Variants in P2RX1 observed in about 807,000 individuals in gnomAD.
P2RX1 encodes the protein purinergic receptor P2X 1, also known as P2X purinoceptor 1.
In P2RX1, 42 loss-of-function variants were observed where a neutral mutation model predicts 50.3. That is an observed-to-expected ratio of 0.83 (90% CI 0.65 to 1.08). The LOEUF (loss-of-function observed/expected upper bound fraction) is 1.08. P2RX1 is among the 50% of genes least tolerant of loss of function. P2RX1 has a pLI of 0.00. For missense variants in P2RX1, 449 were observed against 529.0 expected (o/e 0.85, Z 1.48); for synonymous variants, 199 against 202.6 (o/e 0.98, Z 0.15).
chr17:3,913,132 CTTT>C (rs555976939), intron 1 of P2RX1, among the ~76,000 whole-genome samples: 4 of 134,978 alleles, frequency 3.0e-5, no homozygotes, highest in South Asian at 2.4e-4. Flanking sequence ...CTGAGACCAT[CTTT>C]TTTTTTTTTT....
rs779190206 is a variant in P2RX1 at position 3,916,209 on chromosome 17, T to C, written c.17A>G (p.Gln6Arg). Residue 6 changes from glutamine (Q) to arginine (R), a missense_variant, in exon 1 of 12, where the codon CAG becomes CGG. Transcript: ENST00000225538. MARRF[Q>R]EELAAFLFEY... ...GAAGAGGAAGGCGGCCAGCTCCTCC[T>C]GGAACCGCCGTGCCATGGTGGGCCG... The C allele has an allele frequency of 3.7e-6, 6 of 1,611,046 alleles. No homozygotes were observed. The East Asian group carries it at 8.9e-5, about 24-fold the overall frequency.
intron 7 of P2RX1, among the ~76,000 whole-genome samples, chr17:3,902,115 CT>C (rs1467444200): frequency 6.6e-6 from 1 of 152,066 alleles, no homozygotes; most frequent in Non-Finnish European, 1.5e-5. Flanking sequence ...TTCAAGCTGC[CT>C]TTTTATTTTT....
chr17:3,912,400 G>A (rs531904761), intron 1 of P2RX1, among the ~76,000 whole-genome samples: 7 of 151,788 alleles, frequency 4.6e-5, no homozygotes, highest in African/African-American at 1.5e-4. Flanking sequence ...GTGCGATCTC[G>A]GCTCACTGCC....
chr17:3,916,234 G>A lies in P2RX1; in HGVS notation c.-9C>T, dbSNP rs762515570. On this transcript the variant is annotated 5_prime_UTR_variant, in exon 1 of 12. Transcript: ENST00000225538. ...TGGAACCGCCGTGCCATGGTGGGCC[G>A]GCTGGGGCTCAGAACTGAGCCCCCT... 147 of 1,612,718 alleles carry A rather than the reference G, an allele frequency of 9.1e-5. 1 individual carries two copies. In the South Asian group the frequency reaches 1.2e-3, roughly 13 times the overall value.
intron 1 of P2RX1, among the ~76,000 whole-genome samples, chr17:3,911,315 T>TTTCTTTC (rs1328232367): frequency 2.9e-5 from 4 of 137,018 alleles, no homozygotes; most frequent in African/African-American, 1.0e-4. Flanking sequence ...TTCTTTCTTT[T>TTTCTTTC]TTTTTGAATA....
At chr17:3,904,475 G>A in intron 3 of P2RX1, 76 bp from the exon 4 acceptor site, 1 of 1,306,676 alleles carries the variant, frequency 7.7e-7, no homozygotes, top group Non-Finnish European at 1.1e-6. Flanking sequence ...CCACCCCCCA[G>A]GGCCCTAGGG....
chr17:3,899,568 G>A lies in P2RX1; in HGVS notation c.875+66C>T, dbSNP rs141402924. 1.3e-4 allele frequency: 207 copies of A among 1,599,642 alleles called. 2 individuals are homozygous for A. The African/African-American group carries it at 2.1e-3, about 16-fold the overall frequency. On this transcript the variant is annotated intron_variant, in intron 8 of 11. Coordinates refer to ENST00000225538, the MANE Select transcript of P2RX1 (RefSeq NM_002558.4). Reference sequence around the variant, plus strand: ...GGGGACACTTTCTCAGACCTGAAGTGTTCTGGGAGTAGAAAAGCCCGCAGG... The same window carrying A: ...GGGGACACTTTCTCAGACCTGAAGTATTCTGGGAGTAGAAAAGCCCGCAGG...
rs7224126 is a variant in P2RX1, at chr17:3,901,761, C to T, written c.747+1441G>A. On this transcript the variant is annotated intron_variant, in intron 7 of 11. Transcript: ENST00000225538. Reference sequence around the variant, plus strand: ...CTGCCAGGTGTACAGGCTTCCCACGCGCCAGGCAGCGAGGCACGCCAGGCA... The same window carrying T: ...CTGCCAGGTGTACAGGCTTCCCACGTGCCAGGCAGCGAGGCACGCCAGGCA... 3.5e-3 allele frequency among the ~76,000 whole-genome samples: 535 copies of T among 152,134 alleles called. 2 individuals carry two copies. The highest frequency in any genetic ancestry group is 0.012 in the African/African-American group (514 of 41,502).
In P2RX1 at chr17:3,904,355, A is replaced by T. The variant is rs1012195796; in HGVS notation, c.402T>A (p.Pro134=). The T allele has an allele frequency of 3.1e-6, 5 of 1,613,866 alleles. No homozygotes were observed. In the African/African-American group the frequency reaches 6.7e-5, roughly 22 times the overall value. The change falls in exon 4 of 12, where the codon CCT becomes CCA. Residue 134 remains proline (P), a synonymous_variant. Coordinates refer to ENST00000225538, the MANE Select transcript of P2RX1 (RefSeq NM_002558.4). Reference sequence around the variant, plus strand: ...CTTGGGCCTTCCTCTTGGCCTTCCCAGGGGTACAGCCACTGTCTTCCTTGC... The same window carrying T: ...CTTGGGCCTTCCTCTTGGCCTTCCCTGGGGTACAGCCACTGTCTTCCTTGC... The part of the protein sequence containing the change: ...GICKEDSGCT[P]GKAKRKAQGI...
chr17:3,902,757 G>A (rs574404333), intron 7 of P2RX1, among the ~76,000 whole-genome samples: 21 of 151,836 alleles, frequency 1.4e-4, no homozygotes, highest in African/African-American at 4.6e-4. Flanking sequence ...ACAGGTGCGC[G>A]TCACCATGCC....
At position 3,903,582 on chromosome 17, in the gene P2RX1, T is replaced by C. The variant is rs772906964; in HGVS notation, c.574A>G (p.Ser192Gly). ...ACCTTGAAGCGTGGAAAGCTGATGCTGTTCTTGATGAAAAGAGTGAAGTTC... is the reference window on the plus strand; with the variant it reads ...ACCTTGAAGCGTGGAAAGCTGATGCCGTTCTTGATGAAAAGAGTGAAGTTC... ...AENFTLFIKN[S>G]ISFPRFKVNR... is the part of the protein sequence containing the mutation. Residue 192 changes from serine to glycine, a missense_variant, in exon 6 of 12, where the codon AGC (serine) becomes GGC (glycine). Ser to Gly is a moderately conservative substitution (Grantham distance 56). Transcript: ENST00000225538. This position sits in a 1 kb window ranked among gnomAD's most constrained non-coding sequence, Gnocchi z 4.6. 5.0e-6 allele frequency: 8 copies of C among 1,614,100 alleles called. No homozygotes were observed. In the South Asian group the frequency reaches 7.7e-5, roughly 16 times the overall value.
In P2RX1 at chr17:3,916,167, C is replaced by A; in HGVS notation, c.59G>T (p.Arg20Leu). 1.2e-6 allele frequency: 2 copies of A among 1,613,436 alleles called. No individual in the cohort carries two copies. The highest frequency in any genetic ancestry group is 1.3e-5 in the African/African-American group (1 of 75,046). ...AAFLFEYDTP[R>L]MVLVRNKKVG... is the part of the protein sequence containing the mutation. ...CTTCTTATTACGCACCAGCACCATG[C>A]GGGGGGTGTCATACTCGAAGAGGAA... Residue 20 changes from arginine to leucine, a missense_variant, in exon 1 of 12, where the codon CGC becomes CTC. Physicochemically the swap from Arg to Leu is moderately radical, Grantham distance 102. Transcript: ENST00000225538.
At position 3,905,331 on chromosome 17, in the gene P2RX1, C is replaced by A. The variant is rs145994135; in HGVS notation, c.174G>T (p.Ser58=). ...CAGAGACACTGCTGATGAGGCCGCT[C>A]GAGGTCTGGTAGCCCTTCTCATAGA... ...VFLYEKGYQT[S]SGLISSVSVK... is the part of the protein sequence containing the mutation. The change falls in exon 2 of 12, where the codon TCG becomes TCT. Residue 58 remains serine, a synonymous_variant. Coordinates refer to ENST00000225538, the MANE Select transcript of P2RX1 (RefSeq NM_002558.4). The A allele has an allele frequency of 4.8e-4, 768 of 1,613,792 alleles. No homozygotes were observed. Among genetic ancestry groups the A allele is most frequent in the Non-Finnish European group, 6.0e-4 (703 of 1,180,036 alleles).
In P2RX1 at chr17:3,897,784, T is replaced by A; in HGVS notation, c.*30A>T. The A allele has an allele frequency of 1.1e-5, 18 of 1,606,730 alleles. No homozygotes were observed. The highest frequency in any genetic ancestry group is 1.5e-5 in the Non-Finnish European group (18 of 1,175,748). ...AGGGCTCCAGGCTGAAGCCTCACGC[T>A]GCACCCAGTCAGGAGTTGGGGCCCG... On this transcript the variant is annotated 3_prime_UTR_variant, in exon 12 of 12. Transcript: ENST00000225538.
chr17:3,899,927 C>T (rs2056105426), intron 7 of P2RX1, among the ~76,000 whole-genome samples, 166 bp from the exon 8 acceptor site: 1 of 151,850 alleles, frequency 6.6e-6, no homozygotes, highest in Non-Finnish European at 1.5e-5. Context: ...AGGGTGAAAA[C>T]CCGTCTCTAC....
chr17:3,900,473 A>C (rs1163085617), intron 7 of P2RX1, among the ~76,000 whole-genome samples: 1 of 152,140 alleles, frequency 6.6e-6, no homozygotes, highest in Non-Finnish European at 1.5e-5. Context: ...ACAACAACAA[A>C]AAAAACTGGA....
In P2RX1 at chr17:3,901,355, C is replaced by T. The variant is rs146496740; in HGVS notation, c.748-1594G>A. ...GTGCTGGGATTACAGGCGTGAGCCA[C>T]CGCACCCAGCCCTGATGACAGGGAG... On this transcript the variant is annotated intron_variant, in intron 7 of 11. Transcript: ENST00000225538. 3.4e-3 allele frequency among the ~76,000 whole-genome samples: 524 copies of T among 152,338 alleles called. 5 individuals carry two copies. The highest frequency in any genetic ancestry group is 0.012 in the African/African-American group (500 of 41,582).
In P2RX1 at chr17:3,898,066, C is replaced by G; in HGVS notation, c.1077G>C (p.Lys359Asn). The change falls in exon 11 of 12, where the codon AAG becomes AAC. Residue 359 changes from lysine to asparagine, a missense_variant. Lys to Asn is a moderately conservative substitution (Grantham distance 94). Coordinates refer to ENST00000225538, the MANE Select transcript of P2RX1 (RefSeq NM_002558.4). Reference protein sequence around the residue: ...CDLLLLHILPKRHYYKQKKFK... With the variant: ...CDLLLLHILPNRHYYKQKKFK... ...ACTTCTTCTGCTTGTAGTAGTGCCT[C>G]TTAGGCAGGATGTGAAGCAGCAGCA... 6.2e-7 allele frequency: 1 copy of G among 1,613,488 alleles called. No homozygotes were observed. Among genetic ancestry groups the G allele is most frequent in the South Asian group, 1.1e-5 (1 of 91,036 alleles).
chr17:3,904,915 G>C lies in P2RX1; in HGVS notation c.300C>G (p.Phe100Leu). 1 of 1,307,236 alleles carries C rather than the reference G, an allele frequency of 7.6e-7. No individual in the cohort carries two copies. Among genetic ancestry groups the C allele is most frequent in the Non-Finnish European group, 1.0e-6 (1 of 972,886 alleles). 81.0% of individuals were successfully genotyped at this position (1,307,236 alleles called of 1,614,324 possible). The change falls in exon 3 of 12, where the codon TTC becomes TTG. Residue 100 changes from phenylalanine to leucine, a missense_variant. Phe to Leu is a conservative substitution (Grantham distance 22). Transcript: ENST00000225538. ...TCACGATGAAATTGGTCATGACCAC[G>C]AAGGAGTTGTCCCCCTAGAAGTGAG... ...YVFPAQGDNS[F>L]VVMTNFIVTP...
Sources: allele counts gnomAD v4.1 joint callset (sites outside exome capture counted in the v4.1 genomes callset), GRCh38; gene constraint gnomAD v4.1.1; non-coding constraint Gnocchi (gnomAD v3.1); transcripts MANE v1.5; gene names NCBI Gene and HGNC (gene_info 2026-07-23, HGNC 2026-07-21).